PLAC8L1: variants seen among roughly 807,000 people sequenced by gnomAD.
PLAC8L1 encodes the protein PLAC8 like 1.
In PLAC8L1, 13 loss-of-function variants were observed where a neutral mutation model predicts 16.3. The observed-to-expected ratio is 0.80, with a 90% CI of 0.52 to 1.27. The LOEUF is 1.27. Ranked by LOEUF, PLAC8L1 falls within the 50% of genes most tolerant of loss-of-function variation. PLAC8L1 has a pLI of 0.00. For missense variants in PLAC8L1, 184 were observed against 220.2 expected (o/e 0.84, Z 1.04); for synonymous variants, 78 against 79.3 (o/e 0.98, Z 0.09).
chr5:146,084,542 G>A lies in PLAC8L1; in HGVS notation c.424C>T (p.His142Tyr), dbSNP rs894805777. Residue 142 changes from histidine (H) to tyrosine (Y), a missense_variant, in exon 4 of 4, where the codon CAC becomes TAC. Transcript: ENST00000311450. The stretch of plus-strand genomic sequence containing the variant: ...CAGATGGAAAAAGCCCAACAGCAGT[G>A]CACCGCCAGCCAGTCTTCACACAGT... Reference protein sequence around the residue: ...GTLCEDWLAVHCCWAFSICQV... With the variant: ...GTLCEDWLAVYCCWAFSICQV... The A allele has an allele frequency of 6.2e-7, 1 of 1,613,968 alleles. No homozygotes were observed. The highest frequency in any genetic ancestry group is 1.7e-4 in the Middle Eastern group (1 of 5,864).
intron 1 of PLAC8L1, among the ~76,000 whole-genome samples, chr5:146,098,837 T>G (rs1197720345): frequency 6.6e-6 from 1 of 152,216 alleles, no homozygotes; most frequent in African/African-American, 2.4e-5. Context: ...GTGGGCAGAC[T>G]GAAACCTGGA....
intron 2 of PLAC8L1, among the ~76,000 whole-genome samples, chr5:146,093,897 CT>C (rs1763665486): frequency 1.3e-5 from 2 of 152,180 alleles, no homozygotes; most frequent in Non-Finnish European, 2.9e-5. Context: ...TACAGGGAAG[CT>C]GTTTGAGCGG....
In PLAC8L1 at chr5:146,084,671, CT is replaced by C; in HGVS notation, c.394-100del. The stretch of plus-strand genomic sequence containing the variant: ...TTACCTCCTGGCCCTTCAACCACAG[CT>C]TCCAAGGTTCACCAACATCCTTAAG... On this transcript the variant is annotated intron_variant, in intron 3 of 3. Transcript: ENST00000311450. 3 of 1,464,986 alleles carry C rather than the reference CT, an allele frequency of 2.0e-6. No individual in the cohort carries two copies. In the South Asian group the frequency reaches 4.0e-5, roughly 20 times the overall value. The allele number at this position is 1,464,986 out of a possible 1,614,324, so 90.7% of individuals were successfully genotyped here.
intron 2 of PLAC8L1, among the ~76,000 whole-genome samples, chr5:146,092,410 T>A (rs138512579): frequency 2.4e-4 from 37 of 152,254 alleles, no homozygotes; most frequent in African/African-American, 7.7e-4. Flanking sequence ...CAAAATGACA[T>A]CTGTGCAGTG....
intron 1 of PLAC8L1, among the ~76,000 whole-genome samples, chr5:146,102,608 T>C (rs141877017): frequency 7.7e-4 from 118 of 152,282 alleles, no homozygotes; most frequent in African/African-American, 2.8e-3. Flanking sequence ...AGAACAGGAA[T>C]GAGTATGCAA....
At chr5:146,098,433 C>T in intron 1 of PLAC8L1, 141 bp from the exon 2 acceptor site, 2 of 645,924 alleles carry the variant, frequency 3.1e-6, no homozygotes, top group Non-Finnish European at 2.4e-6. Context: ...TTTGCCATCT[C>T]CCTCCCTCCT....
chr5:146,104,333 C>T lies in PLAC8L1; in HGVS notation c.-22G>A, dbSNP rs1451745172. 3.8e-6 allele frequency: 6 copies of T among 1,566,146 alleles called. No individual in the cohort carries two copies. On this transcript the variant is annotated 5_prime_UTR_variant, in exon 1 of 4. Transcript: ENST00000311450. ...TCATAGTGAGAAGTGTTTTCTTGTC[C>T]TTTGGGCTATCCTTTTTCCCTTTGG... is the stretch of plus-strand genomic sequence containing the variant.
chr5:146,095,712 T>C (rs150376649), intron 2 of PLAC8L1, among the ~76,000 whole-genome samples: 102 of 152,284 alleles, frequency 6.7e-4, no homozygotes, highest in African/African-American at 2.2e-3. Flanking sequence ...ACCATATTGG[T>C]AGGACTATCA....
chr5:146,085,345 C>T, intron 3 of PLAC8L1, 116 bp downstream of exon 3: 1 of 1,148,890 alleles, frequency 8.7e-7, no homozygotes, highest in Non-Finnish European at 1.2e-6. Flanking sequence ...TCCCACTAAG[C>T]ATGGTATGTT....
intron 2 of PLAC8L1, among the ~76,000 whole-genome samples, chr5:146,089,415 T>G (rs1404471474): frequency 6.6e-6 from 1 of 152,168 alleles, no homozygotes; most frequent in Non-Finnish European, 1.5e-5. Context: ...CACTCTGCAC[T>G]TATTAACTCA....
At chr5:146,092,516 T>C (rs1250680638) in intron 2 of PLAC8L1, among the ~76,000 whole-genome samples, 5 of 149,780 alleles carry the variant, frequency 3.3e-5, no homozygotes, top group South Asian at 2.1e-4. Context: ...GGTACATTCA[T>C]ACAATGGAAT....
At chr5:146,103,857 T>C (rs1763863313) in intron 1 of PLAC8L1, 1 of 985,304 alleles carries the variant, frequency 1.0e-6, no homozygotes, top group African/African-American at 1.7e-5. Flanking sequence ...CTTGATTATT[T>C]CAAACTCAGC....
chr5:146,089,079 T>C (rs1763567299), intron 2 of PLAC8L1, among the ~76,000 whole-genome samples: 1 of 152,234 alleles, frequency 6.6e-6, no homozygotes, highest in South Asian at 2.1e-4. Context: ...TAAAGAGAAA[T>C]GCCCACCATT....
In PLAC8L1 at chr5:146,104,968, C is replaced by G. The variant is rs1763887308; in HGVS notation, c.-657G>C. Reference sequence around the variant, plus strand: ...AAGTGGCATTTCTTTCCTACCCAGTCCAGACGGAATCTAGTAACTGAAGCA... The same window carrying G: ...AAGTGGCATTTCTTTCCTACCCAGTGCAGACGGAATCTAGTAACTGAAGCA... On this transcript the variant is annotated 5_prime_UTR_variant, in exon 1 of 4. Transcript: ENST00000311450. Among the ~76,000 whole-genome samples the G allele has an allele frequency of 6.6e-6, 1 of 152,182 alleles. No individual in the cohort carries two copies. The highest frequency in any genetic ancestry group is 1.5e-5 in the Non-Finnish European group (1 of 68,038).
intron 2 of PLAC8L1, among the ~76,000 whole-genome samples, chr5:146,095,871 T>C (rs781769390): frequency 3.9e-5 from 6 of 152,216 alleles, no homozygotes; most frequent in Non-Finnish European, 5.9e-5. Context: ...TAGCACCTAA[T>C]AACAGTGCGT....
At chr5:146,094,931 C>T (rs1468265247) in intron 2 of PLAC8L1, among the ~76,000 whole-genome samples, 1 of 152,140 alleles carries the variant, frequency 6.6e-6, no homozygotes, top group East Asian at 1.9e-4. Context: ...TGAGAAGAAG[C>T]TCTCCCTTTG....
At chr5:146,088,656 A>G (rs1191458101) in intron 2 of PLAC8L1, among the ~76,000 whole-genome samples, 1 of 152,232 alleles carries the variant, frequency 6.6e-6, no homozygotes, top group Non-Finnish European at 1.5e-5. Flanking sequence ...AAGTCTCAAG[A>G]TAGTCACTCA....
chr5:146,098,318 C>T, intron 1 of PLAC8L1, 26 bp from the exon 2 acceptor site: 2 of 1,607,008 alleles, frequency 1.2e-6, no homozygotes, highest in African/African-American at 1.3e-5. Context: ...TGATGATTAA[C>T]TTGGAAACAA....
chr5:146,098,092 C>T, intron 2 of PLAC8L1, 64 bp downstream of exon 2: 2 of 1,529,808 alleles, frequency 1.3e-6, no homozygotes, highest in Non-Finnish European at 8.9e-7. Context: ...GTAGGTTTTC[C>T]ACTCACTGAT....
Sources: gnomAD v4.1 joint callset for allele counts (sites outside exome capture counted in the v4.1 genomes callset) on GRCh38, gnomAD v4.1.1 for gene constraint, MANE v1.5 for transcripts, NCBI Gene and HGNC (gene_info 2026-07-23, HGNC 2026-07-21) for gene names.